The following DUSP16 variants were observed in gnomAD, a reference collection of about 807,000 sequenced individuals.
DUSP16 encodes dual specificity phosphatase 16, also known as dual specificity protein phosphatase 16.
DUSP16 carries 21 observed loss-of-function variants against 58.3 expected under a neutral mutation model. That is an observed-to-expected ratio of 0.36 (90% confidence interval 0.26 to 0.52). The LOEUF (loss-of-function observed/expected upper bound fraction) is 0.52, where lower values mean the gene tolerates loss of function less well. DUSP16 is among the 20% of genes least tolerant of loss of function. The pLI, the probability that DUSP16 is intolerant of heterozygous loss-of-function variation, is 0.94. For missense variants in DUSP16, 726 were observed against 819.0 expected, an observed-to-expected ratio of 0.89 and a Z score of 1.39; for synonymous variants, 320 against 323.8, an observed-to-expected ratio of 0.99 and a Z score of 0.12.
At position 12,476,776 on chromosome 12, in the gene DUSP16, ATTTT is replaced by A. The variant is rs1159015691; in HGVS notation, c.*53_*56del. The A allele has an allele frequency of 3.4e-6, 5 of 1,477,570 alleles. No individual in the cohort carries two copies. The highest frequency in any genetic ancestry group is 2.2e-5 in the Admixed American group (1 of 44,808). The allele number at this position is 1,477,570 out of a possible 1,614,324, so 91.5% of individuals were successfully genotyped here. A position where few individuals can be genotyped will look rare whatever the true frequency, so the allele number is the denominator to read the frequency against. ...TATATATATTTCAGATTTACAGGGAATTTTTTTGTGAACAAGAAAAAAAAATTGT... is the reference window on the plus strand; with the variant it reads ...TATATATATTTCAGATTTACAGGGAATTTGTGAACAAGAAAAAAAAATTGT... On this transcript the variant is annotated 3_prime_UTR_variant, in exon 7 of 7. Transcript: ENST00000298573.
intron 1 of DUSP16, among the ~76,000 whole-genome samples, chr12:12,546,601 T>C (rs78415033): frequency 0.012 from 1,755 of 152,230 alleles, 43 homozygotes; most frequent in African/African-American, 0.04. Context: ...GAAAGCAATA[T>C]AGATGTCACA....
At chr12:12,481,483 T>G (rs1187704228) in intron 5 of DUSP16, among the ~76,000 whole-genome samples, 1 of 152,220 alleles carries the variant, frequency 6.6e-6, no homozygotes, top group Non-Finnish European at 1.5e-5. Flanking sequence ...GTGTTAAAAT[T>G]CTTGCGATTA....
chr12:12,556,100 A>G (rs1592216764), intron 1 of DUSP16, among the ~76,000 whole-genome samples: 2 of 152,330 alleles, frequency 1.3e-5, no homozygotes, highest in Middle Eastern at 3.4e-3. Flanking sequence ...AGAGAGCACT[A>G]AAGAATTTCC....
chr12:12,544,410 T>G (rs1944608920), intron 1 of DUSP16, among the ~76,000 whole-genome samples: 1 of 152,244 alleles, frequency 6.6e-6, no homozygotes, highest in Non-Finnish European at 1.5e-5. Context: ...TGAATTGTGC[T>G]GCTATGAACA....
At chr12:12,557,129 T>C (rs1028486560) in intron 1 of DUSP16, among the ~76,000 whole-genome samples, 2 of 151,932 alleles carry the variant, frequency 1.3e-5, no homozygotes, top group South Asian at 4.2e-4. Context: ...GCAAAAGAAC[T>C]GTGGATACAT....
chr12:12,538,856 T>C (rs767740682), intron 1 of DUSP16, among the ~76,000 whole-genome samples: 15 of 152,232 alleles, frequency 9.9e-5, no homozygotes, highest in Non-Finnish European at 1.8e-4. Flanking sequence ...ATAAAGCATG[T>C]AATAAATGCT....
At chr12:12,540,703 T>C (rs184024462) in intron 1 of DUSP16, among the ~76,000 whole-genome samples, 1 of 152,190 alleles carries the variant, frequency 6.6e-6, no homozygotes, top group African/African-American at 2.4e-5. Context: ...GTATTTATTC[T>C]GGACGCTCTC....
chr12:12,487,304 A>G (rs1218033977), intron 4 of DUSP16, 117 bp from the exon 5 acceptor site: 8 of 1,215,606 alleles, frequency 6.6e-6, no homozygotes, highest in Middle Eastern at 4.3e-4. Flanking sequence ...AATATAATTC[A>G]TTCAGATCAG....
chr12:12,550,858 G>A (rs919252333), intron 1 of DUSP16, among the ~76,000 whole-genome samples: 1 of 151,760 alleles, frequency 6.6e-6, no homozygotes, highest in Middle Eastern at 3.2e-3. Flanking sequence ...ACCTGCACGT[G>A]CTGCACATGT....
chr12:12,562,139 A>G lies in DUSP16; in HGVS notation c.-388T>C, dbSNP rs1944913752. 1 of 151,432 alleles carries G rather than the reference A, an allele frequency of 6.6e-6. No individual in the cohort carries two copies. Among genetic ancestry groups the G allele is most frequent in the Non-Finnish European group, 1.5e-5 (1 of 67,780 alleles). 9.4% of individuals were successfully genotyped at this position (151,432 alleles called of 1,614,324 possible). On this transcript the variant is annotated 5_prime_UTR_variant, in exon 1 of 7. Coordinates refer to ENST00000298573, the MANE Select transcript of DUSP16 (RefSeq NM_030640.3). The stretch of plus-strand genomic sequence containing the variant: ...TACTTTTGGGGCCGCCGACCTCCCA[A>G]TTCCCTCAGAGGGAAACGAAAGTTG...
intron 1 of DUSP16, among the ~76,000 whole-genome samples, chr12:12,558,888 T>C (rs1391087401): frequency 1.3e-5 from 2 of 152,220 alleles, no homozygotes; most frequent in Non-Finnish European, 2.9e-5. Flanking sequence ...GGCAAGCTTT[T>C]ATTATTTCTT....
In DUSP16 at chr12:12,521,174, T is replaced by C; in HGVS notation, c.-76A>G. On this transcript the variant is annotated 5_prime_UTR_variant, in exon 2 of 7. Coordinates refer to ENST00000298573, the MANE Select transcript of DUSP16 (RefSeq NM_030640.3). ...ATGTAATGGTGGTGTGCTCAAAGGC[T>C]CAGCCACTCCATTGTACTAAAAGTG... is the stretch of plus-strand genomic sequence containing the variant. The C allele has an allele frequency of 6.4e-7, 1 of 1,555,714 alleles. No homozygotes were observed. Among genetic ancestry groups the C allele is most frequent in the African/African-American group, 1.4e-5 (1 of 73,438 alleles).
intron 4 of DUSP16, among the ~76,000 whole-genome samples, chr12:12,492,536 C>T (rs1311412718): frequency 6.6e-6 from 1 of 152,124 alleles, no homozygotes; most frequent in Non-Finnish European, 1.5e-5. Flanking sequence ...ATCAATTTTC[C>T]ACTGTACAGG....
At chr12:12,484,995 G>C (rs938701207) in intron 5 of DUSP16, among the ~76,000 whole-genome samples, 2 of 150,776 alleles carry the variant, frequency 1.3e-5, no homozygotes, top group Non-Finnish European at 2.9e-5. Context: ...GTTAACTTGT[G>C]GGGGTTTGTT....
intron 5 of DUSP16, among the ~76,000 whole-genome samples, chr12:12,480,785 G>A (rs1943549958): frequency 6.6e-6 from 1 of 152,164 alleles, no homozygotes; most frequent in Non-Finnish European, 1.5e-5. Context: ...AGTGCACGAT[G>A]TCGGCTCATT....
rs528840092 is a variant in DUSP16 at position 12,522,959 on chromosome 12, A to G, written c.-365-1496T>C. ...CTCAATATATTATTATAGTAGGTAA[A>G]TTCTTCCTTGTTCCAAAAACAGTTT... On this transcript the variant is annotated intron_variant, in intron 1 of 6. Transcript: ENST00000298573. 3.9e-5 allele frequency among the ~76,000 whole-genome samples: 6 copies of G among 152,340 alleles called. No individual in the cohort carries two copies. The South Asian group carries it at 1.2e-3, about 32-fold the overall frequency.
At chr12:12,480,390 T>C in intron 5 of DUSP16, 44 bp from the exon 6 acceptor site, 2 of 1,591,830 alleles carry the variant, frequency 1.3e-6, no homozygotes, top group Non-Finnish European at 1.7e-6. Context: ...AACTATTTTG[T>C]TCAGCAGTGA....
Position 12,477,747 on chromosome 12 carries a change from TGGGCAC to T in DUSP16, c.1078_1083del (p.Val360_Pro361del), listed in dbSNP as rs756271288. Reference sequence around the variant, plus strand: ...AGCGACGGCTGCACGCTGGGCACGCTGGGCACGCTGGCGGGATGCACGGGCCTTTGT... The same window carrying T: ...AGCGACGGCTGCACGCTGGGCACGCTGCTGGCGGGATGCACGGGCCTTTGT... On this transcript the variant is annotated inframe_deletion, in exon 7 of 7. Transcript: ENST00000298573. The surrounding 1 kb of genome is among the most constrained non-coding windows in gnomAD (Gnocchi z 4.1). The T allele has an allele frequency of 3.1e-6, 5 of 1,613,586 alleles. No individual in the cohort carries two copies. The highest frequency in any genetic ancestry group is 2.2e-5 in the South Asian group (2 of 91,048).
intron 4 of DUSP16, among the ~76,000 whole-genome samples, chr12:12,497,295 T>C (rs1305172360): frequency 6.6e-6 from 1 of 152,226 alleles, no homozygotes; most frequent in East Asian, 1.9e-4. Context: ...CTGGTATAGA[T>C]GATGTTGCAG....
Sources: gnomAD v4.1 joint callset for allele counts (sites outside exome capture counted in the v4.1 genomes callset) on GRCh38, gnomAD v4.1.1 for gene constraint, Gnocchi (gnomAD v3.1) non-coding constraint, MANE v1.5 for transcripts, NCBI Gene and HGNC (gene_info 2026-07-23, HGNC 2026-07-21) for gene names.